The following XRCC4 variants were observed in gnomAD, a reference collection of about 807,000 sequenced individuals.
XRCC4 encodes the protein DNA repair protein XRCC4.
XRCC4 carries 28 observed loss-of-function variants against 39.1 expected under a neutral mutation model. The ratio of observed to expected loss-of-function variants is 0.72; its 90% CI spans 0.53 to 0.98. The LOEUF (loss-of-function observed/expected upper bound fraction) is 0.98. Among genes scored for constraint, XRCC4 ranks in the 50% least tolerant of loss-of-function variants. The pLI, the probability that XRCC4 is intolerant of heterozygous loss-of-function variation, is 0.00. For missense variants in XRCC4, 350 were observed against 376.4 expected (o/e 0.93, Z 0.58); for synonymous variants, 123 against 126.4 (o/e 0.97, Z 0.18).
At chr5:83,095,331 G>A (rs1160781223) in intron 1 of XRCC4, among the ~76,000 whole-genome samples, 2 of 152,152 alleles carry the variant, frequency 1.3e-5, no homozygotes, top group Admixed American at 1.3e-4. Context: ...CTTTATTTGA[G>A]TTCAGCAGTT....
chr5:83,307,807 G>A (rs1206899411), intron 7 of XRCC4, among the ~76,000 whole-genome samples: 1 of 152,220 alleles, frequency 6.6e-6, no homozygotes, highest in South Asian at 2.1e-4. Flanking sequence ...AGCATTTTAT[G>A]TATACACCTG....
chr5:83,323,705 T>C (rs536997203), intron 7 of XRCC4, among the ~76,000 whole-genome samples: 6 of 150,698 alleles, frequency 4.0e-5, no homozygotes, highest in Non-Finnish European at 8.8e-5. Context: ...GTAGTAAGGA[T>C]GTATGAACAA....
chr5:83,158,958 G>T (rs977673089), intron 3 of XRCC4, among the ~76,000 whole-genome samples: 2 of 152,034 alleles, frequency 1.3e-5, no homozygotes, highest in Non-Finnish European at 2.9e-5. Flanking sequence ...GCTACTATGA[G>T]CTGACGTCAC....
chr5:83,351,046 T>C (rs1281127972), intron 7 of XRCC4, among the ~76,000 whole-genome samples: 1 of 152,186 alleles, frequency 6.6e-6, no homozygotes, highest in Non-Finnish European at 1.5e-5. Context: ...TGGGAGGTTA[T>C]TGGATCCTGG....
chr5:83,154,143 TTGGTGGGGATACAAATGCACG>T (rs1291169222), intron 3 of XRCC4, among the ~76,000 whole-genome samples: 22 of 152,202 alleles, frequency 1.4e-4, no homozygotes, highest in African/African-American at 5.3e-4. Context: ...TTTGGAATCT[TTGGTGGGGATACAAATGCACG>T]TCCCTTGGAA....
intron 7 of XRCC4, among the ~76,000 whole-genome samples, chr5:83,344,377 C>T (rs2112211594): frequency 6.7e-6 from 1 of 149,486 alleles, no homozygotes; most frequent in East Asian, 2.0e-4. Context: ...GCTAGCACTA[C>T]AGATGTGTAC....
At chr5:83,099,679 C>T (rs1037774177) in intron 1 of XRCC4, among the ~76,000 whole-genome samples, 4 of 152,132 alleles carry the variant, frequency 2.6e-5, no homozygotes, top group African/African-American at 4.8e-5. Flanking sequence ...TGGGGTGGGA[C>T]CCAACTGTTT....
intron 1 of XRCC4, among the ~76,000 whole-genome samples, chr5:83,093,260 G>T (rs1051395070): frequency 2.0e-5 from 3 of 152,060 alleles, no homozygotes; most frequent in Admixed American, 1.3e-4. Context: ...TTGCCAAGAG[G>T]CTATAACAAT....
chr5:83,282,022 A>T (rs1480587513), intron 7 of XRCC4, among the ~76,000 whole-genome samples: 1 of 152,226 alleles, frequency 6.6e-6, no homozygotes, highest in Non-Finnish European at 1.5e-5. Flanking sequence ...GAGGGCATTT[A>T]TTTAGCCTTA....
intron 3 of XRCC4, among the ~76,000 whole-genome samples, chr5:83,166,237 G>C (rs1749467948): frequency 6.6e-6 from 1 of 152,048 alleles, no homozygotes; most frequent in African/African-American, 2.4e-5. Context: ...TTGATTCCAT[G>C]TCTTTGCTAT....
chr5:83,268,559 AG>A, intron 7 of XRCC4, among the ~76,000 whole-genome samples: 1 of 152,178 alleles, frequency 6.6e-6, no homozygotes, highest in East Asian at 1.9e-4. Flanking sequence ...TTACTCAGGA[AG>A]GTGTATTGTA....
At chr5:83,300,939 C>T (rs1334013118) in intron 7 of XRCC4, among the ~76,000 whole-genome samples, 1 of 152,086 alleles carries the variant, frequency 6.6e-6, no homozygotes, top group Non-Finnish European at 1.5e-5. Flanking sequence ...CATAGTATTC[C>T]ATGGTGTATA....
chr5:83,252,770 C>G (rs1433391875), intron 6 of XRCC4, among the ~76,000 whole-genome samples: 2 of 152,102 alleles, frequency 1.3e-5, no homozygotes, highest in Admixed American at 6.5e-5. Flanking sequence ...CATTCTCACT[C>G]CACTTTACCC....
intron 7 of XRCC4, among the ~76,000 whole-genome samples, chr5:83,325,335 T>C (rs1264668922): frequency 6.6e-6 from 1 of 152,132 alleles, no homozygotes; most frequent in Non-Finnish European, 1.5e-5. Context: ...CAGGGGTACA[T>C]GTGCAGGACA....
At chr5:83,322,656 A>G (rs946279936) in intron 7 of XRCC4, among the ~76,000 whole-genome samples, 34 of 152,192 alleles carry the variant, frequency 2.2e-4, no homozygotes, top group African/African-American at 8.0e-4. Flanking sequence ...AGATCTTTAT[A>G]AGAGGGAGGC....
At chr5:83,235,665 G>T (rs2112830316) in intron 6 of XRCC4, among the ~76,000 whole-genome samples, 2 of 152,212 alleles carry the variant, frequency 1.3e-5, no homozygotes, top group Admixed American at 6.6e-5. Context: ...AAAAAAGGAT[G>T]CCCACTTTTA....
intron 2 of XRCC4, 79 bp downstream of exon 2, chr5:83,105,137 A>G: frequency 7.2e-7 from 1 of 1,392,302 alleles, no homozygotes; most frequent in South Asian, 1.4e-5. Flanking sequence ...TTTCCATTAG[A>G]TATTGGGTAA....
intron 5 of XRCC4, among the ~76,000 whole-genome samples, chr5:83,204,060 A>G (rs1288628859): frequency 6.6e-6 from 1 of 152,168 alleles, no homozygotes; most frequent in Non-Finnish European, 1.5e-5. Flanking sequence ...TGTCTAGGCA[A>G]TGATTAACTT....
intron 1 of XRCC4, among the ~76,000 whole-genome samples, chr5:83,086,882 C>G (rs945597113): frequency 6.6e-6 from 1 of 152,134 alleles, no homozygotes; most frequent in Non-Finnish European, 1.5e-5. Flanking sequence ...TCAGACATAC[C>G]TGAACTGAAT....
Sources: gnomAD v4.1 joint callset for allele counts (sites outside exome capture counted in the v4.1 genomes callset) on GRCh38, gnomAD v4.1.1 for gene constraint, MANE v1.5 for transcripts, NCBI Gene and HGNC (gene_info 2026-07-23, HGNC 2026-07-21) for gene names.